The following TRIT1 variants were observed in gnomAD, a reference collection of about 807,000 sequenced individuals.
TRIT1 encodes tRNA dimethylallyltransferase.
In TRIT1, 43 loss-of-function variants were observed where a neutral mutation model predicts 51.2. That is an observed-to-expected ratio of 0.84 (90% CI 0.66 to 1.08). The LOEUF (loss-of-function observed/expected upper bound fraction) is 1.08, where lower values mean the gene tolerates loss of function less well. Ranked by LOEUF, TRIT1 falls within the 50% of genes least tolerant of loss-of-function variation. TRIT1 has a pLI of 0.00. For missense variants in TRIT1, 528 were observed against 578.4 expected, an observed-to-expected ratio of 0.91 and a Z score of 0.89; for synonymous variants, 184 against 203.9, an observed-to-expected ratio of 0.90 and a Z score of 0.83.
intron 10 of TRIT1, 141 bp from the exon 11 acceptor site, chr1:39,842,054 C>T: frequency 2.2e-6 from 2 of 911,898 alleles, no homozygotes; most frequent in South Asian, 3.7e-5. Flanking sequence ...ACTAGTATAG[C>T]TGCTTAGCAT....
chr1:39,846,381 TG>T (rs68013172), intron 8 of TRIT1, among the ~76,000 whole-genome samples: 11,849 of 152,320 alleles, frequency 0.078, 607 homozygotes, highest in South Asian at 0.12. Context: ...ATTTAAAACA[TG>T]TCCACAAGAT....
intron 8 of TRIT1, among the ~76,000 whole-genome samples, chr1:39,846,189 G>C (rs986782705): frequency 6.6e-6 from 1 of 152,224 alleles, no homozygotes; most frequent in Admixed American, 6.5e-5. Context: ...AACTCCACTG[G>C]AGAGCTCAGG....
intron 8 of TRIT1, 132 bp downstream of exon 8, chr1:39,847,088 A>T (rs1252857048): frequency 3.1e-6 from 2 of 645,172 alleles, no homozygotes; most frequent in African/African-American, 2.0e-5. Context: ...TTTATGTTAT[A>T]GAACTTCCCT....
chr1:39,881,227 CAAAAAAA>C (rs56205358), intron 1 of TRIT1, among the ~76,000 whole-genome samples: 3 of 80,162 alleles, frequency 3.7e-5, no homozygotes, highest in Non-Finnish European at 5.5e-5. Flanking sequence ...ACTCTGTCTC[CAAAAAAA>C]AAAAAAAAAA....
chr1:39,850,272 TA>T lies in TRIT1; in HGVS notation c.561-12del. ...AAAACTTGCAAGCTCCTAAGTAATT[TA>T]AAAGGGGAGGGAGGGGGCACACCCA... On this transcript the variant is annotated splice_polypyrimidine_tract_variant and intron_variant, in intron 4 of 10. Coordinates refer to ENST00000316891, the MANE Select transcript of TRIT1 (RefSeq NM_017646.6). 6.2e-7 allele frequency: 1 copy of T among 1,613,938 alleles called. No individual in the cohort carries two copies. Among genetic ancestry groups the T allele is most frequent in the Non-Finnish European group, 8.5e-7 (1 of 1,179,952 alleles).
intron 1 of TRIT1, among the ~76,000 whole-genome samples, chr1:39,873,291 C>T (rs1643938847): frequency 6.6e-6 from 1 of 152,186 alleles, no homozygotes; most frequent in Non-Finnish European, 1.5e-5. Context: ...TGATATCATA[C>T]TTTGATATGA....
At chr1:39,849,935 C>A (rs139231838) in intron 5 of TRIT1, among the ~76,000 whole-genome samples, 184 bp downstream of exon 5, 4 of 152,186 alleles carry the variant, frequency 2.6e-5, no homozygotes, top group Admixed American at 2.0e-4. Flanking sequence ...CCTTTCCAAA[C>A]AGATATCTAG....
intron 2 of TRIT1, among the ~76,000 whole-genome samples, chr1:39,854,939 C>A (rs1642809614): frequency 9.8e-6 from 1 of 101,810 alleles, no homozygotes. Flanking sequence ...CCTCCCAGGG[C>A]TCGAGTCATC....
chr1:39,857,939 G>A (rs1642994898), intron 1 of TRIT1, among the ~76,000 whole-genome samples: 1 of 152,196 alleles, frequency 6.6e-6, no homozygotes, highest in Non-Finnish European at 1.5e-5. Context: ...TTTGAAGTCA[G>A]AACCCCTAAT....
intron 1 of TRIT1, among the ~76,000 whole-genome samples, chr1:39,875,673 T>C (rs970074807): frequency 1.3e-5 from 2 of 152,154 alleles, no homozygotes; most frequent in African/African-American, 4.8e-5. Flanking sequence ...TACCATGCAT[T>C]TTCTTAACTT....
In TRIT1 at chr1:39,844,584, A is replaced by C. The variant is rs1464488462; in HGVS notation, c.1063T>G (p.Trp355Gly). 1 of 1,614,104 alleles carries C rather than the reference A, an allele frequency of 6.2e-7. No individual in the cohort carries two copies. The highest frequency in any genetic ancestry group is 8.5e-7 in the Non-Finnish European group (1 of 1,179,980). Residue 355 changes from tryptophan to glycine, a missense_variant, in exon 9 of 11, where the codon TGG (tryptophan) becomes GGG (glycine). By Grantham distance (184) the Trp-to-Gly change is radical. This residue lies in a region of TRIT1 where 468 missense variants were observed against 522.6 expected (regional missense o/e 0.90). Coordinates refer to ENST00000316891, the MANE Select transcript of TRIT1 (RefSeq NM_017646.6). The stretch of plus-strand genomic sequence containing the variant: ...GCAGGTTCAAGAACAGACTCTTCCC[A>C]CTTCGAGACATCAGATACCTCTAAG... The part of the protein sequence containing the change: ...YGLEVSDVSK[W>G]EESVLEPALE...
intron 6 of TRIT1, 161 bp downstream of exon 6, chr1:39,847,825 T>C: frequency 9.1e-6 from 13 of 1,436,018 alleles, no homozygotes; most frequent in Non-Finnish European, 1.2e-5. Flanking sequence ...ACCAGGTTAC[T>C]TTCTTGAAAA....
intron 8 of TRIT1, 172 bp downstream of exon 8, chr1:39,847,048 A>C (rs548959931): frequency 3.7e-6 from 2 of 546,864 alleles, no homozygotes; most frequent in East Asian, 6.0e-5. Context: ...TTTTTTTGTG[A>C]CATCCCAAGA....
intron 1 of TRIT1, among the ~76,000 whole-genome samples, chr1:39,866,752 G>A (rs1273938090): frequency 3.9e-5 from 6 of 152,060 alleles, no homozygotes; most frequent in East Asian, 1.9e-4. Context: ...TAGGAGGATC[G>A]CTTGAGCTCA....
At position 39,841,056 on chromosome 1, in the gene TRIT1, T is replaced by A. The variant is rs1641867223; in HGVS notation, c.*688A>T. 1 of 152,268 alleles carries A rather than the reference T, an allele frequency of 6.6e-6. No homozygotes were observed. The highest frequency in any genetic ancestry group is 2.1e-4 in the South Asian group (1 of 4,832). The allele number at this position is 152,268 out of a possible 1,614,324, so 9.4% of individuals were successfully genotyped here. A position where few individuals can be genotyped will look rare whatever the true frequency, so the allele number is the denominator to read the frequency against. On this transcript the variant is annotated 3_prime_UTR_variant, in exon 11 of 11. Transcript: ENST00000316891. The stretch of plus-strand genomic sequence containing the variant: ...TTTTTAAGGATCAAAGAGGCTCTTG[T>A]AAATTTTTTCTTTATTTAAACTTCA...
At position 39,847,633 on chromosome 1, in the gene TRIT1, T is replaced by C. The variant is rs773159557; in HGVS notation, c.843A>G (p.Gln281=). ...CGTGAAATTCCTTGAAGCCAATTGA[T>C]TGGAAGATACCATGTTGATAGTCCT... ...NSQDYQHGIF[Q]SIGFKEFHEY... The change falls in exon 7 of 11, where the codon CAA becomes CAG. Residue 281 remains glutamine (Q), a synonymous_variant. Transcript: ENST00000316891. The C allele has an allele frequency of 5.0e-6, 8 of 1,614,074 alleles. No homozygotes were observed. The African/African-American group carries it at 8.0e-5, about 16-fold the overall frequency.
intron 1 of TRIT1, among the ~76,000 whole-genome samples, chr1:39,880,175 AAACAAC>A (rs10628850): frequency 6.8e-6 from 1 of 147,304 alleles, no homozygotes; most frequent in Non-Finnish European, 1.5e-5. Context: ...CTCCGTCTCA[AAACAAC>A]AACAACAACA....
chr1:39,872,790 GAGAA>G (rs1464990265), intron 1 of TRIT1, among the ~76,000 whole-genome samples: 10 of 107,076 alleles, frequency 9.3e-5, no homozygotes, highest in African/African-American at 3.6e-4. Flanking sequence ...CAGAGAGAGA[GAGAA>G]AGAGAGAGAA....
rs199602634 is a variant in TRIT1, at chr1:39,857,343, G to C, written c.249C>G (p.Ile83Met). The change falls in exon 2 of 11, where the codon ATC (isoleucine) becomes ATG (methionine). Residue 83 changes from isoleucine (I) to methionine (M), a missense_variant. Ile to Met is a conservative substitution (Grantham distance 10). Coordinates refer to ENST00000316891, the MANE Select transcript of TRIT1 (RefSeq NM_017646.6). ...TGGTCACAAGAGGATCCACAAAGCT[G>C]ATCATGTGGTGCCGGCAGATTCTCT... ...QEQRICRHHM[I>M]SFVDPLVTNY... 6.4e-5 allele frequency: 104 copies of C among 1,614,122 alleles called. 1 individual carries two copies. In the African/African-American group the frequency reaches 1.3e-3, roughly 19 times the overall value.
Sources: gnomAD v4.1 joint callset for allele counts (sites outside exome capture counted in the v4.1 genomes callset) on GRCh38, gnomAD v4.1.1 for gene constraint, gnomAD v4.1.1 regional missense constraint, MANE v1.5 for transcripts, NCBI Gene and HGNC (gene_info 2026-07-23, HGNC 2026-07-21) for gene names.